The following EIF4E2 variants were observed in gnomAD, a reference collection of about 807,000 sequenced individuals.
EIF4E2 encodes the protein eukaryotic translation initiation factor 4E family member 2.
In EIF4E2, 13 loss-of-function variants were observed where a neutral mutation model predicts 34.2. The observed-to-expected ratio is 0.38, with a 90% CI of 0.25 to 0.60. The LOEUF is 0.60. Among genes scored for constraint, EIF4E2 ranks in the 20% least tolerant of loss-of-function variants. The probability of loss-of-function intolerance (pLI) is 0.62; values close to 1 mark genes in which losing one functional copy is unlikely to be tolerated. For synonymous variants in EIF4E2, 100 were observed against 106.6 expected (o/e 0.94, Z 0.38); for missense variants, 222 against 315.1 (o/e 0.70, Z 2.24).
At chr2:232,576,202 C>CA (rs34773569) in intron 6 of EIF4E2, among the ~76,000 whole-genome samples, 71,687 of 147,622 alleles carry the variant, frequency 0.49, 17,177 homozygotes, top group Middle Eastern at 0.65. Flanking sequence ...GACTCCATCT[C>CA]AAAAAAAAAA....
chr2:232,576,347 A>G (rs1353788023), intron 6 of EIF4E2, among the ~76,000 whole-genome samples: 1 of 152,266 alleles, frequency 6.6e-6, no homozygotes, highest in Non-Finnish European at 1.5e-5. Flanking sequence ...AAAAGTCTTT[A>G]AAATGAAAGC....
chr2:232,567,716 TGTGA>T (rs1327092954), intron 6 of EIF4E2: 2 of 993,250 alleles, frequency 2.0e-6, no homozygotes, highest in African/African-American at 3.5e-5. Context: ...ATAGTGTGTG[TGTGA>T]GAGAGCAGAA....
chr2:232,565,859 C>T (rs755389986), intron 4 of EIF4E2, among the ~76,000 whole-genome samples: 5 of 151,470 alleles, frequency 3.3e-5, no homozygotes, highest in Non-Finnish European at 5.9e-5. Flanking sequence ...TTTGGGAATC[C>T]GAGGCAGACA....
chr2:232,575,949 T>C (rs1242573082), intron 6 of EIF4E2, among the ~76,000 whole-genome samples: 2 of 152,192 alleles, frequency 1.3e-5, no homozygotes, highest in Non-Finnish European at 2.9e-5. Context: ...CTCACGCCTG[T>C]AATCCCAGCA....
At chr2:232,580,373 G>T (rs1693324216) in intron 6 of EIF4E2, among the ~76,000 whole-genome samples, 1 of 152,068 alleles carries the variant, frequency 6.6e-6, no homozygotes, top group South Asian at 2.1e-4. Flanking sequence ...TCCTTCTCAG[G>T]CTTCCTCCAT....
At chr2:232,554,196 G>A (rs1357837181) in intron 1 of EIF4E2, among the ~76,000 whole-genome samples, 1 of 152,190 alleles carries the variant, frequency 6.6e-6, no homozygotes, top group Non-Finnish European at 1.5e-5. Context: ...GGTTGGAAGA[G>A]GTTAGGAAAT....
At chr2:232,580,964 A>G (rs1693342621) in exon 7 of EIF4E2, 1 of 1,549,660 alleles carries the variant, frequency 6.5e-7, no homozygotes, top group Non-Finnish European at 8.7e-7. Flanking sequence ...GCTGGCAATA[A>G]TCCTTTTCTG....
chr2:232,569,912 C>A (rs965856811), downstream of EIF4E2: 1 of 152,208 alleles, frequency 6.6e-6, no homozygotes, highest in Non-Finnish European at 1.5e-5. Context: ...ACGTACGGAC[C>A]CCTTGTGTGC....
rs148248530 is a variant in EIF4E2, at chr2:232,569,042, A to G, written c.*25A>G. On this transcript the variant is annotated 3_prime_UTR_variant, in exon 7 of 7. Coordinates refer to ENST00000258416, the MANE Select transcript of EIF4E2 (RefSeq NM_004846.4). ...ACCCTCTCCCTCTCTGGATGGCACCATCATTGAAGCTGGCGTCATCGGAGT... is the reference window on the plus strand; with the variant it reads ...ACCCTCTCCCTCTCTGGATGGCACCGTCATTGAAGCTGGCGTCATCGGAGT... The G allele has an allele frequency of 2.5e-6, 4 of 1,613,144 alleles. No individual in the cohort carries two copies. The highest frequency in any genetic ancestry group is 3.4e-6 in the Non-Finnish European group (4 of 1,179,624).
chr2:232,552,721 G>C (rs927752878), intron 1 of EIF4E2, among the ~76,000 whole-genome samples: 2 of 151,960 alleles, frequency 1.3e-5, no homozygotes, highest in South Asian at 2.1e-4. Flanking sequence ...TGAAGAACCT[G>C]GGTCATTTTA....
rs1006586213 is a variant in EIF4E2 at position 232,567,612 on chromosome 2, G to A, written c.665+398G>A. ...TTCTGCATGTCTTTTTAACTTGTTA[G>A]CTTCAGTCTATTTTCTTTGTCCTGG... On this transcript the variant is annotated intron_variant, in intron 6 of 6. Coordinates refer to ENST00000258416, the MANE Select transcript of EIF4E2 (RefSeq NM_004846.4). 5 of 1,126,102 alleles carry A rather than the reference G, an allele frequency of 4.4e-6. No homozygotes were observed. In the African/African-American group the frequency reaches 8.1e-5, roughly 18 times the overall value. The allele number at this position is 1,126,102 out of a possible 1,614,324, so 69.8% of individuals were successfully genotyped here.
At chr2:232,561,226 G>T (rs1303049338) in intron 3 of EIF4E2, among the ~76,000 whole-genome samples, 1 of 152,134 alleles carries the variant, frequency 6.6e-6, no homozygotes, top group Middle Eastern at 3.4e-3. Context: ...TTGAAGCCAG[G>T]AGTTCAAAAC....
intron 3 of EIF4E2, among the ~76,000 whole-genome samples, chr2:232,559,660 A>G (rs1003249499): frequency 1.3e-5 from 2 of 152,004 alleles, no homozygotes; most frequent in African/African-American, 2.4e-5. Context: ...GTCTCAAGTT[A>G]TGGTGGGGCA....
chr2:232,559,437 G>GGAAAAAAA lies in EIF4E2; in HGVS notation c.270+1419_270+1420insGAAAAAAA, dbSNP rs1553582383. Reference sequence around the variant, plus strand: ...ACTTTTTTTTAAAGTGCTTTGGTTTGAAAAAAATAAAAAAATAAAATAAAA... The same window carrying GGAAAAAAA: ...ACTTTTTTTTAAAGTGCTTTGGTTTGGAAAAAAAAAAAAAATAAAAAAATAAAATAAAA... On this transcript the variant is annotated intron_variant, in intron 3 of 6. Coordinates refer to ENST00000258416, the MANE Select transcript of EIF4E2 (RefSeq NM_004846.4). Among the ~76,000 whole-genome samples, 274 of 119,126 alleles carry GGAAAAAAA rather than the reference G, an allele frequency of 2.3e-3. 2 individuals are homozygous for GGAAAAAAA. The highest frequency in any genetic ancestry group is 7.6e-3 in the African/African-American group (250 of 32,700). 78.2% of individuals were successfully genotyped at this position (119,126 alleles called of 152,430 possible). A position where few individuals can be genotyped will look rare whatever the true frequency, so the allele number is the denominator to read the frequency against.
intron 6 of EIF4E2, among the ~76,000 whole-genome samples, chr2:232,574,882 C>T (rs759336990): frequency 1.6e-4 from 25 of 152,302 alleles, no homozygotes; most frequent in Non-Finnish European, 1.6e-4. Context: ...TTTCACTAGA[C>T]CAGCACAACT....
Position 232,564,007 on chromosome 2 carries a change from CAA to C in EIF4E2, c.271-238_271-237del, listed in dbSNP as rs543411779. Among the ~76,000 whole-genome samples, 20 of 152,272 alleles carry C rather than the reference CAA, an allele frequency of 1.3e-4. No individual in the cohort carries two copies. In the South Asian group the frequency reaches 3.9e-3, roughly 30 times the overall value. On this transcript the variant is annotated intron_variant, in intron 3 of 6. Coordinates refer to ENST00000258416, the MANE Select transcript of EIF4E2 (RefSeq NM_004846.4). ...CCTGGCTGAGGCTTGCATTTCTCAC[CAA>C]AGATTTTATTCTTGAATTGCGAATG...
chr2:232,576,008 A>C (rs1212392389), intron 6 of EIF4E2, among the ~76,000 whole-genome samples: 1 of 152,142 alleles, frequency 6.6e-6, no homozygotes, highest in Admixed American at 6.5e-5. Context: ...GATCGAGACC[A>C]TCCTGGCCAA....
In EIF4E2 at chr2:232,564,216, T is replaced by A. The variant is rs779965349; in HGVS notation, c.271-31T>A. 8 of 1,462,306 alleles carry A rather than the reference T, an allele frequency of 5.5e-6. No individual in the cohort carries two copies. The East Asian group carries it at 1.4e-4, about 26-fold the overall frequency. 90.6% of individuals were successfully genotyped at this position (1,462,306 alleles called of 1,614,324 possible). A position where few individuals can be genotyped will look rare whatever the true frequency, so the allele number is the denominator to read the frequency against. Reference sequence around the variant, plus strand: ...CATTCAAAGAAAAGTAAAAGACACATGTTTTTTACTCTGGGGTCTTCTCTC... The same window carrying A: ...CATTCAAAGAAAAGTAAAAGACACAAGTTTTTTACTCTGGGGTCTTCTCTC... On this transcript the variant is annotated intron_variant, in intron 3 of 6. Coordinates refer to ENST00000258416, the MANE Select transcript of EIF4E2 (RefSeq NM_004846.4).
Position 232,566,587 on chromosome 2 carries a change from T to C in EIF4E2, c.376-242T>C, listed in dbSNP as rs1692941604. ...AAAGTATTTCCAGTAAAGGGGATTA[T>C]TTTTAAAAGGTCTGTTTAGCCATTT... On this transcript the variant is annotated intron_variant, in intron 4 of 6. Transcript: ENST00000258416. The surrounding 1 kb of genome is among the most constrained non-coding windows in gnomAD (Gnocchi z 4.9). Among the ~76,000 whole-genome samples the C allele has an allele frequency of 6.6e-6, 1 of 152,242 alleles. No homozygotes were observed. Among genetic ancestry groups the C allele is most frequent in the South Asian group, 2.1e-4 (1 of 4,832 alleles).
Sources: gnomAD v4.1 joint callset for allele counts (sites outside exome capture counted in the v4.1 genomes callset) on GRCh38, gnomAD v4.1.1 for gene constraint, Gnocchi (gnomAD v3.1) non-coding constraint, MANE v1.5 for transcripts, NCBI Gene and HGNC (gene_info 2026-07-23, HGNC 2026-07-21) for gene names.